The following RBMS1 variants were observed in gnomAD, a reference collection of about 807,000 sequenced individuals.
RBMS1 encodes the protein RNA binding motif single stranded interacting protein 1, also known as RNA-binding motif, single-stranded-interacting protein 1.
In RBMS1, 17 loss-of-function variants were observed where a neutral mutation model predicts 62.3. That is an observed-to-expected ratio of 0.27 (90% CI 0.19 to 0.41). The LOEUF is 0.41. Among genes scored for constraint, RBMS1 ranks in the 10% least tolerant of loss-of-function variants. RBMS1 has a pLI of 1.00. For synonymous variants in RBMS1, 172 were observed against 170.0 expected (o/e 1.01, Z -0.09); for missense variants, 334 against 504.5 (o/e 0.66, Z 3.24).
chr2:160,318,434 T>A (rs1287382270), intron 2 of RBMS1, among the ~76,000 whole-genome samples: 1 of 152,120 alleles, frequency 6.6e-6, no homozygotes, highest in East Asian at 1.9e-4. Context: ...AGGCCTCTTG[T>A]TTGAATTGTG....
intron 2 of RBMS1, among the ~76,000 whole-genome samples, chr2:160,362,746 A>G (rs1693198333): frequency 6.6e-6 from 1 of 152,228 alleles, no homozygotes; most frequent in South Asian, 2.1e-4. Context: ...AGACTTGCCC[A>G]ATGCAGGGTT....
At chr2:160,374,866 G>T (rs554026901) in intron 1 of RBMS1, among the ~76,000 whole-genome samples, 34 of 151,940 alleles carry the variant, frequency 2.2e-4, no homozygotes, top group South Asian at 6.2e-4. Flanking sequence ...GGAGGCAGAG[G>T]TTATAGTGAG....
At chr2:160,340,794 C>T (rs528873842) in intron 2 of RBMS1, among the ~76,000 whole-genome samples, 1 of 152,108 alleles carries the variant, frequency 6.6e-6, no homozygotes, top group East Asian at 1.9e-4. Flanking sequence ...AACTGGGATA[C>T]CCATAGGCAT....
At chr2:160,385,885 G>A (rs1200916679) in intron 1 of RBMS1, among the ~76,000 whole-genome samples, 1 of 152,100 alleles carries the variant, frequency 6.6e-6, no homozygotes. Context: ...TGGCTATATT[G>A]GTTCGAAACG....
intron 1 of RBMS1, among the ~76,000 whole-genome samples, chr2:160,380,241 C>T (rs1694209992): frequency 6.6e-6 from 1 of 152,114 alleles, no homozygotes; most frequent in Admixed American, 6.5e-5. Context: ...GCCTCACACT[C>T]AATGACTAGT....
At chr2:160,310,737 G>A (rs1019906110) in intron 4 of RBMS1, among the ~76,000 whole-genome samples, 12 of 152,056 alleles carry the variant, frequency 7.9e-5, no homozygotes, top group African/African-American at 2.4e-4. Flanking sequence ...ATACAATGCC[G>A]GGTTACCCAT....
chr2:160,346,937 T>A (rs1034932113), intron 2 of RBMS1, among the ~76,000 whole-genome samples: 30 of 152,126 alleles, frequency 2.0e-4, no homozygotes, highest in African/African-American at 7.0e-4. Context: ...AAAGCAAACT[T>A]TGAAAAGAAT....
Position 160,493,714 on chromosome 2 carries a change from C to G in RBMS1, c.-351G>C, listed in dbSNP as rs1446336803. ...CAAGGGCTGGCGCGCTGGCCGCGGT[C>G]CGCTCGGGCGAGCCGGCTGCGCGGG... On this transcript the variant is annotated 5_prime_UTR_variant, in exon 1 of 14. Transcript: ENST00000348849. 2 of 366,174 alleles carry G rather than the reference C, an allele frequency of 5.5e-6. No homozygotes were observed. Among genetic ancestry groups the G allele is most frequent in the Non-Finnish European group, 1.0e-5 (2 of 197,656 alleles). 22.7% of individuals were successfully genotyped at this position (366,174 alleles called of 1,614,324 possible).
rs140876387 is a variant in RBMS1, at chr2:160,278,006, T to C, written c.1062+542A>G. 6.8e-3 allele frequency: 1,133 copies of C among 165,580 alleles called. 6 individuals are homozygous for C. Among genetic ancestry groups the C allele is most frequent in the Middle Eastern group, 0.024 (8 of 334 alleles). The allele number at this position is 165,580 out of a possible 1,614,324, so 10.3% of individuals were successfully genotyped here. ...CACCCTTTGTTCTTTTAAGCCACTA[T>C]AGAATAGAGGCTAAATTAAAATCCT... On this transcript the variant is annotated intron_variant, in intron 11 of 13. Transcript: ENST00000348849.
chr2:160,448,013 C>A (rs1444821802), intron 1 of RBMS1, among the ~76,000 whole-genome samples: 1 of 152,130 alleles, frequency 6.6e-6, no homozygotes, highest in Non-Finnish European at 1.5e-5. Context: ...CTAATCAGAT[C>A]ATAGGCTATG....
chr2:160,476,834 G>A (rs1191045193), intron 1 of RBMS1, among the ~76,000 whole-genome samples: 2 of 152,122 alleles, frequency 1.3e-5, no homozygotes, highest in African/African-American at 2.4e-5. Flanking sequence ...GATTACAGGC[G>A]TGAGCCACCG....
chr2:160,393,835 CA>C lies in RBMS1; in HGVS notation c.76-26445del, dbSNP rs368731131. ...AAAAAAAAAGAAAATAGCCAAGCTT[CA>C]CTGGCAGTCAGGATCTCTGGGTTCT... On this transcript the variant is annotated intron_variant, in intron 1 of 13. Transcript: ENST00000348849. Among the ~76,000 whole-genome samples the C allele has an allele frequency of 3.8e-3, 575 of 152,070 alleles. 3 individuals carry two copies. The highest frequency in any genetic ancestry group is 6.2e-3 in the Non-Finnish European group (421 of 67,976).
intron 1 of RBMS1, among the ~76,000 whole-genome samples, chr2:160,451,174 T>TAAAAAAAA (rs1380554839): frequency 7.2e-6 from 1 of 138,728 alleles, no homozygotes; most frequent in Admixed American, 7.9e-5. Context: ...AAAAAATAAA[T>TAAAAAAAA]AAATAAAAAC....
At chr2:160,335,367 G>T (rs1172791442) in intron 2 of RBMS1, among the ~76,000 whole-genome samples, 4 of 152,128 alleles carry the variant, frequency 2.6e-5, no homozygotes, top group South Asian at 4.1e-4. Flanking sequence ...TTCACCAATG[G>T]GCTGAGATGC....
Position 160,428,254 on chromosome 2 carries a change from C to T in RBMS1, c.76-60863G>A, listed in dbSNP as rs180835147. Reference sequence around the variant, plus strand: ...CACAGAAATGTAGCCTGGCAAAAAACGTGGGGTGGCCTCAGCAGAGGAAAT... The same window carrying T: ...CACAGAAATGTAGCCTGGCAAAAAATGTGGGGTGGCCTCAGCAGAGGAAAT... On this transcript the variant is annotated intron_variant, in intron 1 of 13. Coordinates refer to ENST00000348849, the MANE Select transcript of RBMS1 (RefSeq NM_016836.4). Among the ~76,000 whole-genome samples, 762 of 152,054 alleles carry T rather than the reference C, an allele frequency of 5.0e-3. 1 individual carries two copies. Among genetic ancestry groups the T allele is most frequent in the Non-Finnish European group, 8.8e-3 (598 of 67,984 alleles).
intron 2 of RBMS1, among the ~76,000 whole-genome samples, chr2:160,361,978 G>C (rs1250947381): frequency 6.6e-6 from 1 of 152,186 alleles, no homozygotes; most frequent in Non-Finnish European, 1.5e-5. Flanking sequence ...GGATAGCTGT[G>C]GCAATTTCTT....
chr2:160,339,715 T>C (rs200352647), intron 2 of RBMS1, among the ~76,000 whole-genome samples: 30 of 127,672 alleles, frequency 2.3e-4, no homozygotes, highest in African/African-American at 6.2e-4. Flanking sequence ...TATATATATA[T>C]ACACACACAT....
chr2:160,367,071 A>T, intron 2 of RBMS1, 145 bp downstream of exon 2: 1 of 727,464 alleles, frequency 1.4e-6, no homozygotes, highest in Non-Finnish European at 2.1e-6. Flanking sequence ...TAAGAAGTTA[A>T]AACTTGAAAC....
At chr2:160,278,494 A>C in intron 11 of RBMS1, 54 bp downstream of exon 11, 1 of 1,424,616 alleles carries the variant, frequency 7.0e-7, no homozygotes, top group Non-Finnish European at 9.8e-7. Flanking sequence ...TACAGGCTGC[A>C]TTAATTTACC....
Sources: allele counts gnomAD v4.1 joint callset (sites outside exome capture counted in the v4.1 genomes callset), GRCh38; gene constraint gnomAD v4.1.1; transcripts MANE v1.5; gene names NCBI Gene and HGNC (gene_info 2026-07-23, HGNC 2026-07-21).